Variants in CCDC91 observed in about 807,000 individuals in gnomAD.
CCDC91 encodes coiled-coil domain containing 91, also known as coiled-coil domain-containing protein 91.
In CCDC91, 48 loss-of-function variants were observed where a neutral mutation model predicts 63.2. The observed-to-expected ratio is 0.76, with a 90% CI of 0.60 to 0.97. CCDC91 has a LOEUF of 0.97. Ranked by LOEUF, CCDC91 falls within the 50% of genes least tolerant of loss-of-function variation. The probability of loss-of-function intolerance (pLI) is 0.00; values close to 1 mark genes in which losing one functional copy is unlikely to be tolerated. For missense variants in CCDC91, 500 were observed against 494.6 expected (o/e 1.01, Z -0.10); for synonymous variants, 167 against 165.8 (o/e 1.01, Z -0.06).
At chr12:28,538,875 T>C (rs956816623) in intron 12 of CCDC91, among the ~76,000 whole-genome samples, 1 of 152,244 alleles carries the variant, frequency 6.6e-6, no homozygotes, top group Non-Finnish European at 1.5e-5. Context: ...GAGCATATTT[T>C]CATGTGTCTT....
chr12:28,426,102 A>G (rs1045962136), intron 8 of CCDC91, among the ~76,000 whole-genome samples: 1 of 152,172 alleles, frequency 6.6e-6, no homozygotes, highest in African/African-American at 2.4e-5. Flanking sequence ...TGATATCACT[A>G]GTCTCTTCTC....
chr12:28,321,508 T>G (rs1333834421), intron 6 of CCDC91, among the ~76,000 whole-genome samples: 1 of 151,952 alleles, frequency 6.6e-6, no homozygotes, highest in Non-Finnish European at 1.5e-5. Flanking sequence ...CATCCCCATT[T>G]TGATGGTATC....
intron 2 of CCDC91, among the ~76,000 whole-genome samples, chr12:28,258,777 C>A (rs1159879046): frequency 1.3e-5 from 2 of 151,994 alleles, no homozygotes; most frequent in Admixed American, 1.3e-4. Context: ...GGGCATCTAA[C>A]AGACAGAAAA....
chr12:28,490,329 A>T (rs1335958045), intron 12 of CCDC91, among the ~76,000 whole-genome samples: 1 of 151,888 alleles, frequency 6.6e-6, no homozygotes, highest in African/African-American at 2.4e-5. Context: ...AACACATATT[A>T]AAAAGCATAC....
intron 12 of CCDC91, among the ~76,000 whole-genome samples, chr12:28,530,571 G>T (rs1355816168): frequency 1.3e-5 from 2 of 152,106 alleles, no homozygotes; most frequent in Non-Finnish European, 2.9e-5. Context: ...CATAGTAACT[G>T]GTACAGGGCC....
rs144629620 is a variant in CCDC91 at position 28,303,688 on chromosome 12, A to G, written c.110-1961A>G. Reference sequence around the variant, plus strand: ...TAATAAAATATCAACACTTTACTAAATGCTTTACATGTTTTCCACAATTTC... The same window carrying G: ...TAATAAAATATCAACACTTTACTAAGTGCTTTACATGTTTTCCACAATTTC... On this transcript the variant is annotated intron_variant, in intron 3 of 12. Coordinates refer to ENST00000536442, the MANE Select transcript of CCDC91 (RefSeq NM_018318.5). Among the ~76,000 whole-genome samples, 353 of 152,256 alleles carry G rather than the reference A, an allele frequency of 2.3e-3. 3 individuals are homozygous for G. The highest frequency in any genetic ancestry group is 3.3e-3 in the Non-Finnish European group (223 of 68,010).
At chr12:28,255,101 A>G (rs557177542) in intron 1 of CCDC91, among the ~76,000 whole-genome samples, 1 of 152,268 alleles carries the variant, frequency 6.6e-6, no homozygotes, top group Non-Finnish European at 1.5e-5. Flanking sequence ...GGAAAACATC[A>G]GTGGTCACTA....
intron 7 of CCDC91, among the ~76,000 whole-genome samples, chr12:28,364,908 G>A (rs1944176149): frequency 6.6e-6 from 1 of 152,016 alleles, no homozygotes; most frequent in Non-Finnish European, 1.5e-5. Context: ...CACCTTCGTT[G>A]CAAAATTTTA....
intron 1 of CCDC91, among the ~76,000 whole-genome samples, chr12:28,210,521 G>C (rs1269552723): frequency 5.9e-5 from 9 of 152,110 alleles, no homozygotes; most frequent in Non-Finnish European, 1.2e-4. Context: ...CTGGCTATAG[G>C]ATGAAGTCTT....
At chr12:28,334,056 GTGTGTATGTGTA>G (rs143724750) in intron 6 of CCDC91, among the ~76,000 whole-genome samples, 12 of 152,078 alleles carry the variant, frequency 7.9e-5, no homozygotes, top group African/African-American at 9.6e-5. Flanking sequence ...GTGTGTGTGT[GTGTGTATGTGTA>G]TGTGTATGTG....
At chr12:28,337,929 G>A (rs1942111308) in intron 6 of CCDC91, among the ~76,000 whole-genome samples, 2 of 151,608 alleles carry the variant, frequency 1.3e-5, no homozygotes, top group African/African-American at 4.9e-5. Flanking sequence ...CTGTTTTTTG[G>A]TGAATATTTT....
chr12:28,387,944 T>C (rs554884528), intron 7 of CCDC91, among the ~76,000 whole-genome samples: 1 of 152,268 alleles, frequency 6.6e-6, no homozygotes, highest in African/African-American at 2.4e-5. Flanking sequence ...CCACTTTTAG[T>C]TTTTTAAGGA....
At position 28,498,059 on chromosome 12, in the gene CCDC91, G is replaced by A. The variant is rs150158764; in HGVS notation, c.1215+13894G>A. Among the ~76,000 whole-genome samples the A allele has an allele frequency of 5.9e-5, 9 of 151,610 alleles. 1 individual carries two copies. Among genetic ancestry groups the A allele is most frequent in the African/African-American group, 2.2e-4 (9 of 41,448 alleles). On this transcript the variant is annotated intron_variant, in intron 12 of 12. Coordinates refer to ENST00000536442, the MANE Select transcript of CCDC91 (RefSeq NM_018318.5). Reference sequence around the variant, plus strand: ...CTTCTGCTCTTAGTTGGTTTTACAGGTTAAGTTACTTAAGAATCCTGTTAA... The same window carrying A: ...CTTCTGCTCTTAGTTGGTTTTACAGATTAAGTTACTTAAGAATCCTGTTAA...
intron 3 of CCDC91, chr12:28,302,594 G>A (rs1938195966): frequency 1.0e-6 from 1 of 972,194 alleles, no homozygotes; most frequent in Non-Finnish European, 1.2e-6. Context: ...AGGTCACAGA[G>A]GTCAGTACCT....
intron 3 of CCDC91, among the ~76,000 whole-genome samples, chr12:28,277,048 T>C (rs1465951107): frequency 3.3e-5 from 5 of 152,082 alleles, no homozygotes; most frequent in African/African-American, 1.2e-4. Flanking sequence ...CATAAGCTTA[T>C]AACTTACAGT....
At chr12:28,537,102 C>T (rs978265159) in intron 12 of CCDC91, among the ~76,000 whole-genome samples, 1 of 152,008 alleles carries the variant, frequency 6.6e-6, no homozygotes, top group African/African-American at 2.4e-5. Flanking sequence ...GTTGTGGCAA[C>T]ATTTCATTGC....
At chr12:28,538,528 C>T (rs1942371327) in intron 12 of CCDC91, among the ~76,000 whole-genome samples, 1 of 151,844 alleles carries the variant, frequency 6.6e-6, no homozygotes, top group African/African-American at 2.4e-5. Context: ...TTGGTTGGTT[C>T]CAAGTCTTTG....
chr12:28,530,602 G>A (rs1444925018), intron 12 of CCDC91, among the ~76,000 whole-genome samples: 1 of 152,130 alleles, frequency 6.6e-6, no homozygotes, highest in Non-Finnish European at 1.5e-5. Flanking sequence ...TACTCAGAGT[G>A]GATAAGGATG....
chr12:28,267,418 C>T (rs1261421423), intron 3 of CCDC91, among the ~76,000 whole-genome samples: 1 of 150,820 alleles, frequency 6.6e-6, no homozygotes, highest in Non-Finnish European at 1.5e-5. Context: ...TAGTTATTTT[C>T]ACTTCAGTTC....
Sources: allele counts gnomAD v4.1 joint callset (sites outside exome capture counted in the v4.1 genomes callset), GRCh38; gene constraint gnomAD v4.1.1; transcripts MANE v1.5; gene names NCBI Gene and HGNC (gene_info 2026-07-23, HGNC 2026-07-21).